TDRP: variants seen among roughly 807,000 people sequenced by gnomAD.
The protein encoded by TDRP is testis development-related protein.
Under a neutral mutation model 10.5 loss-of-function variants are expected in TDRP, and 12 were observed. The observed-to-expected ratio is 1.15, with a 90% CI of 0.73 to 1.86. TDRP has a LOEUF of 1.86. Among genes scored for constraint, TDRP ranks in the 40% most tolerant of loss-of-function variants. TDRP has a pLI of 0.00. For missense variants in TDRP, 353 were observed against 229.2 expected, an observed-to-expected ratio of 1.54 and a Z score of -3.49; for synonymous variants, 139 against 95.4, an observed-to-expected ratio of 1.46 and a Z score of -2.67.
upstream of TDRP, chr8:544,935 C>T (rs1584890435): frequency 3.5e-5 from 13 of 370,338 alleles, no homozygotes; most frequent in East Asian, 2.9e-4. Context: ...ACCAGGCCCG[C>T]CCCAAACCCT....
chr8:494,693 A>G, intron 1 of TDRP, 96 bp from the exon 2 acceptor site: 1 of 1,088,396 alleles, frequency 9.2e-7, no homozygotes, highest in Non-Finnish European at 1.4e-6. Context: ...ATTTAGAAAA[A>G]AGAATTGGCA....
Position 544,713 on chromosome 8 carries a change from G to A in TDRP, c.45C>T (p.Pro15=), listed in dbSNP as rs753413202. The A allele has an allele frequency of 2.4e-6, 3 of 1,245,104 alleles. No individual in the cohort carries two copies. The highest frequency in any genetic ancestry group is 3.0e-6 in the Non-Finnish European group (3 of 994,842). 77.1% of individuals were successfully genotyped at this position (1,245,104 alleles called of 1,614,324 possible). A position where few individuals can be genotyped will look rare whatever the true frequency, so the allele number is the denominator to read the frequency against. Residue 15 remains proline (P), a synonymous_variant, in exon 1 of 3, where the codon CCC becomes CCT. Transcript: ENST00000324079. ...GRGRVLLDEP[P]EEEDGLRGGP... is the part of the protein sequence containing the mutation. ...CCCCACGCAGGCCGTCCTCCTCCTC[G>A]GGGGGCTCGTCCAGCAGCACTCGGC...
At position 517,916 on chromosome 8, in the gene TDRP, G is replaced by A. The variant is rs555815751; in HGVS notation, c.109-23319C>T. Among the ~76,000 whole-genome samples, 10 of 152,292 alleles carry A rather than the reference G, an allele frequency of 6.6e-5. No homozygotes were observed. In the South Asian group the frequency reaches 2.1e-3, roughly 32 times the overall value. ...GACATTCTGGAAAACACAAAACTAT[G>A]GAGACAGTAAAAAGATCCGTGGTTG... is the stretch of plus-strand genomic sequence containing the variant. On this transcript the variant is annotated intron_variant, in intron 1 of 2. Transcript: ENST00000324079.
intron 1 of TDRP, 82 bp from the exon 2 acceptor site, chr8:494,679 T>C: frequency 2.4e-6 from 3 of 1,263,198 alleles, no homozygotes. Flanking sequence ...ACCATGGAGT[T>C]GAAATTTAGA....
chr8:538,977 G>C (rs930128457), intron 1 of TDRP, among the ~76,000 whole-genome samples: 1 of 152,170 alleles, frequency 6.6e-6, no homozygotes, highest in African/African-American at 2.4e-5. Context: ...CGCATCCTCG[G>C]ACAGCTCCAC....
rs531218370 is a variant in TDRP at position 502,858 on chromosome 8, C to G, written c.109-8261G>C. ...CCAGAGCCACACATCAGAACCAATG[C>G]CCACCTCAGCATGCACCAACACGGA... On this transcript the variant is annotated intron_variant, in intron 1 of 2. Transcript: ENST00000324079. 5.3e-5 allele frequency among the ~76,000 whole-genome samples: 8 copies of G among 152,170 alleles called. No homozygotes were observed. The South Asian group carries it at 1.7e-3, about 32-fold the overall frequency.
intron 1 of TDRP, 79 bp from the exon 2 acceptor site, chr8:494,676 A>T: frequency 7.6e-7 from 1 of 1,312,946 alleles, no homozygotes; most frequent in Non-Finnish European, 1.1e-6. Context: ...ATAACCATGG[A>T]GTTGAAATTT....
chr8:508,830 C>G (rs1801535321), intron 1 of TDRP, among the ~76,000 whole-genome samples: 1 of 152,192 alleles, frequency 6.6e-6, no homozygotes. Context: ...TAATCTGAGA[C>G]AAGGCAAGTC....
intron 1 of TDRP, among the ~76,000 whole-genome samples, chr8:543,991 C>T (rs796077330): frequency 3.3e-4 from 50 of 152,168 alleles, no homozygotes; most frequent in African/African-American, 1.1e-3. Flanking sequence ...GGAGCCCTTT[C>T]AATTACAAAA....
chr8:507,538 G>C lies in TDRP; in HGVS notation c.109-12941C>G, dbSNP rs548199597. Among the ~76,000 whole-genome samples, 295 of 152,208 alleles carry C rather than the reference G, an allele frequency of 1.9e-3. 1 individual carries two copies. Among genetic ancestry groups the C allele is most frequent in the African/African-American group, 6.6e-3 (276 of 41,542 alleles). On this transcript the variant is annotated intron_variant, in intron 1 of 2. Coordinates refer to ENST00000324079, the MANE Select transcript of TDRP (RefSeq NM_001384899.1). Reference sequence around the variant, plus strand: ...TTACTGGAATTTAGCAGCTGCATGCGGTCACGGACAGAGGAAGAAAGCCTG... The same window carrying C: ...TTACTGGAATTTAGCAGCTGCATGCCGTCACGGACAGAGGAAGAAAGCCTG...
chr8:505,009 A>T lies in TDRP; in HGVS notation c.109-10412T>A, dbSNP rs564061679. On this transcript the variant is annotated intron_variant, in intron 1 of 2. Transcript: ENST00000324079. ...GTTTTTAACAAAGTATTTTGATGAA[A>T]TAAAAATATTTCATACATGATGACT... 5.9e-5 allele frequency among the ~76,000 whole-genome samples: 9 copies of T among 152,368 alleles called. No individual in the cohort carries two copies. The East Asian group carries it at 1.7e-3, about 29-fold the overall frequency.
intron 1 of TDRP, among the ~76,000 whole-genome samples, chr8:505,348 T>C (rs1213019834): frequency 6.6e-6 from 1 of 152,212 alleles, no homozygotes; most frequent in Non-Finnish European, 1.5e-5. Flanking sequence ...AATATGAGTC[T>C]TGTGAAACAG....
At position 494,585 on chromosome 8, in the gene TDRP, T is replaced by G; in HGVS notation, c.121A>C (p.Ser41Arg). The change falls in exon 2 of 3, where the codon AGT becomes CGT. Residue 41 changes from serine (S) to arginine (R), a missense_variant. Transcript: ENST00000324079. The part of the protein sequence containing the change: ...AAAQAQVQGA[S>R]FRGWKEVTSL... ...GTCACTTCTTTCCAACCTCGGAAAC[T>G]TGCTCCCTGAACCTAATAAAAGGTT... The G allele has an allele frequency of 6.2e-7, 1 of 1,613,812 alleles. No homozygotes were observed. Among genetic ancestry groups the G allele is most frequent in the Non-Finnish European group, 8.5e-7 (1 of 1,179,840 alleles).
At chr8:497,139 T>C (rs1202466100) in intron 1 of TDRP, among the ~76,000 whole-genome samples, 2 of 152,174 alleles carry the variant, frequency 1.3e-5, no homozygotes, top group Non-Finnish European at 2.9e-5. Context: ...TCTTTGGAAC[T>C]GGGTAATGGG....
intron 1 of TDRP, among the ~76,000 whole-genome samples, chr8:534,786 T>C (rs1802301332): frequency 6.6e-6 from 1 of 152,188 alleles, no homozygotes; most frequent in African/African-American, 2.4e-5. Context: ...AGCAAGAAGC[T>C]GAAATTGCAA....
At chr8:542,779 C>G (rs1377716827) in intron 1 of TDRP, among the ~76,000 whole-genome samples, 2 of 149,076 alleles carry the variant, frequency 1.3e-5, no homozygotes, top group Non-Finnish European at 3.0e-5. Flanking sequence ...AGGAGAATCA[C>G]TTGAACCCGG....
chr8:532,860 G>GT (rs1408708763), intron 1 of TDRP, among the ~76,000 whole-genome samples: 3 of 66,846 alleles, frequency 4.5e-5, no homozygotes, highest in Non-Finnish European at 1.6e-4. Context: ...TTTACAAGTT[G>GT]CCTACGGCTG....
chr8:543,794 C>T lies in TDRP; in HGVS notation c.108+856G>A, dbSNP rs114594906. Among the ~76,000 whole-genome samples, 572 of 152,196 alleles carry T rather than the reference C, an allele frequency of 3.8e-3. 4 individuals are homozygous for T. Among genetic ancestry groups the T allele is most frequent in the African/African-American group, 0.013 (534 of 41,526 alleles). ...GAAGACAGGTACAAATCCTTATATT[C>T]CATTCGGCCTTAACAGCATCAGGAG... is the stretch of plus-strand genomic sequence containing the variant. On this transcript the variant is annotated intron_variant, in intron 1 of 2. Transcript: ENST00000324079.
intron 1 of TDRP, among the ~76,000 whole-genome samples, chr8:524,212 G>C (rs1467551831): frequency 3.3e-5 from 5 of 152,204 alleles, no homozygotes; most frequent in African/African-American, 1.2e-4. Flanking sequence ...ATGTCTACAG[G>C]TCTGCAAGAG....
Sources: gnomAD v4.1 joint callset for allele counts (sites outside exome capture counted in the v4.1 genomes callset) on GRCh38, gnomAD v4.1.1 for gene constraint, MANE v1.5 for transcripts, NCBI Gene and HGNC (gene_info 2026-07-23, HGNC 2026-07-21) for gene names.